Variants in WDR7 observed in about 807,000 individuals in gnomAD.
WDR7 encodes WD repeat domain 7.
WDR7 carries 46 observed loss-of-function variants against 169.4 expected under a neutral mutation model. The ratio of observed to expected loss-of-function variants is 0.27; its 90% CI spans 0.21 to 0.35. WDR7 has a LOEUF of 0.35. Ranked by LOEUF, WDR7 falls within the 10% of genes least tolerant of loss-of-function variation. WDR7 has a pLI of 1.00. For missense variants in WDR7, 1,534 were observed against 1,859.3 expected, an observed-to-expected ratio of 0.83 and a Z score of 3.22; for synonymous variants, 612 against 666.8, an observed-to-expected ratio of 0.92 and a Z score of 1.27.
chr18:56,855,321 T>A (rs965581715), intron 20 of WDR7, among the ~76,000 whole-genome samples: 5 of 152,152 alleles, frequency 3.3e-5, no homozygotes, highest in African/African-American at 1.2e-4. Context: ...GTTATATATA[T>A]GATAAGTATA....
intron 20 of WDR7, among the ~76,000 whole-genome samples, chr18:56,861,331 T>G (rs1282475948): frequency 6.6e-6 from 1 of 152,224 alleles, no homozygotes; most frequent in African/African-American, 2.4e-5. Context: ...GCTGACAGCT[T>G]AAGGCTTAAT....
At chr18:56,968,244 T>G (rs115757608) in intron 26 of WDR7, among the ~76,000 whole-genome samples, 1,895 of 152,290 alleles carry the variant, frequency 0.012, 55 homozygotes, top group African/African-American at 0.044. Context: ...AGCTTCCTGT[T>G]GTCTAGTGCC....
At chr18:56,932,815 A>G (rs772893078) in intron 22 of WDR7, among the ~76,000 whole-genome samples, 3 of 151,988 alleles carry the variant, frequency 2.0e-5, no homozygotes, top group Non-Finnish European at 4.4e-5. Context: ...AACCCTGAAG[A>G]TCTGTCAACT....
chr18:56,990,200 G>A (rs936037942), intron 26 of WDR7, among the ~76,000 whole-genome samples: 3 of 152,216 alleles, frequency 2.0e-5, no homozygotes, highest in East Asian at 1.9e-4. Flanking sequence ...CTTTCATTGC[G>A]TGAACTGCAT....
chr18:56,927,047 G>T (rs1017663408), intron 22 of WDR7, among the ~76,000 whole-genome samples: 1 of 152,114 alleles, frequency 6.6e-6, no homozygotes, highest in Non-Finnish European at 1.5e-5. Context: ...AAGCTTTTAT[G>T]TTAGGCCTGT....
chr18:56,788,829 T>C (rs1165598176), intron 19 of WDR7, among the ~76,000 whole-genome samples: 5 of 152,234 alleles, frequency 3.3e-5, no homozygotes, highest in Non-Finnish European at 7.3e-5. Context: ...TTGGAAATGA[T>C]TATGCATTGT....
intron 26 of WDR7, among the ~76,000 whole-genome samples, chr18:57,006,331 T>C (rs1463111478): frequency 2.0e-5 from 3 of 152,030 alleles, no homozygotes; most frequent in Admixed American, 2.0e-4. Context: ...TTTTTTTTCT[T>C]CAAGATTGTA....
chr18:56,943,421 T>G lies in WDR7; in HGVS notation c.4064+4028T>G, dbSNP rs139022647. On this transcript the variant is annotated intron_variant, in intron 25 of 27. Transcript: ENST00000254442. Reference sequence around the variant, plus strand: ...TATCTTAGACTAACCTCTTTAATGTTGCCTTATGTCAGCATTCGGTTGCTG... The same window carrying G: ...TATCTTAGACTAACCTCTTTAATGTGGCCTTATGTCAGCATTCGGTTGCTG... 2.1e-4 allele frequency among the ~76,000 whole-genome samples: 32 copies of G among 152,280 alleles called. No homozygotes were observed. The East Asian group carries it at 5.8e-3, about 28-fold the overall frequency.
intron 14 of WDR7, among the ~76,000 whole-genome samples, chr18:56,734,504 G>A (rs537053398): frequency 5.7e-4 from 86 of 149,732 alleles, no homozygotes; most frequent in African/African-American, 1.6e-3. Flanking sequence ...AATTGCCCCC[G>A]GTTTAAAACC....
intron 20 of WDR7, among the ~76,000 whole-genome samples, chr18:56,848,077 A>G (rs545049063): frequency 5.2e-4 from 79 of 152,334 alleles, no homozygotes; most frequent in Non-Finnish European, 1.5e-5. Flanking sequence ...GGAAATCCAC[A>G]GGCAGTCAGC....
At chr18:56,849,068 C>A (rs1245774493) in intron 20 of WDR7, among the ~76,000 whole-genome samples, 5 of 152,152 alleles carry the variant, frequency 3.3e-5, no homozygotes, top group Non-Finnish European at 7.4e-5. Context: ...TTTAAAATTG[C>A]AATGTCTTCT....
intron 20 of WDR7, among the ~76,000 whole-genome samples, chr18:56,845,024 T>C (rs1340896429): frequency 6.6e-6 from 1 of 152,128 alleles, no homozygotes; most frequent in Non-Finnish European, 1.5e-5. Flanking sequence ...GGAAAAAACA[T>C]ATATAGGATT....
At chr18:56,827,928 T>G (rs2045237694) in intron 20 of WDR7, among the ~76,000 whole-genome samples, 1 of 152,194 alleles carries the variant, frequency 6.6e-6, no homozygotes, top group Non-Finnish European at 1.5e-5. Flanking sequence ...TGGAATGTTT[T>G]TAGAAGAACT....
chr18:56,995,241 G>A (rs543196163), intron 26 of WDR7, among the ~76,000 whole-genome samples: 1 of 152,290 alleles, frequency 6.6e-6, no homozygotes, highest in South Asian at 2.1e-4. Flanking sequence ...TATTTCCTCA[G>A]AAACACACAT....
At chr18:56,853,616 A>C (rs1161499204) in intron 20 of WDR7, among the ~76,000 whole-genome samples, 2 of 152,160 alleles carry the variant, frequency 1.3e-5, no homozygotes, top group Non-Finnish European at 2.9e-5. Flanking sequence ...GGCCAGTCTT[A>C]TATCTTCATG....
intron 16 of WDR7, among the ~76,000 whole-genome samples, chr18:56,762,897 A>ATT (rs34582934): frequency 1.0e-4 from 15 of 143,100 alleles, no homozygotes; most frequent in African/African-American, 3.1e-4. Flanking sequence ...CTTAGTAAGA[A>ATT]TTTTTTTTTT....
At chr18:56,989,629 A>C (rs563669110) in intron 26 of WDR7, among the ~76,000 whole-genome samples, 2 of 152,298 alleles carry the variant, frequency 1.3e-5, no homozygotes, top group Non-Finnish European at 2.9e-5. Flanking sequence ...CTTTTTTAGG[A>C]AGAATTTCTA....
intron 26 of WDR7, among the ~76,000 whole-genome samples, chr18:56,969,762 G>A (rs565289757): frequency 9.2e-5 from 14 of 152,154 alleles, no homozygotes; most frequent in African/African-American, 2.9e-4. Flanking sequence ...AGCCCTCTCA[G>A]GCTCTTTATT....
At chr18:56,945,166 A>G (rs2047086575) in intron 25 of WDR7, among the ~76,000 whole-genome samples, 1 of 152,196 alleles carries the variant, frequency 6.6e-6, no homozygotes, top group African/African-American at 2.4e-5. Flanking sequence ...AATTGAGGCA[A>G]AGGAAGAATA....
Sources: allele counts gnomAD v4.1 joint callset (sites outside exome capture counted in the v4.1 genomes callset), GRCh38; gene constraint gnomAD v4.1.1; transcripts MANE v1.5; gene names NCBI Gene and HGNC (gene_info 2026-07-23, HGNC 2026-07-21).